Variants in ELMOD3 observed in about 807,000 individuals in gnomAD.
ELMOD3 encodes the protein ELMO domain containing 3.
Under a neutral mutation model 47.4 loss-of-function variants are expected in ELMOD3, and 36 were observed. The ratio of observed to expected loss-of-function variants is 0.76; its 90% CI spans 0.58 to 1.00. ELMOD3 has a LOEUF of 1.00. Ranked by LOEUF, ELMOD3 falls within the 50% of genes least tolerant of loss-of-function variation. ELMOD3 has a pLI of 0.00. For synonymous variants in ELMOD3, 149 were observed against 183.5 expected (o/e 0.81, Z 1.52); for missense variants, 404 against 463.8 (o/e 0.87, Z 1.18).
chr2:85,358,020 C>T (rs943052541), intron 4 of ELMOD3, among the ~76,000 whole-genome samples: 3 of 152,164 alleles, frequency 2.0e-5, no homozygotes, highest in Admixed American at 6.5e-5. Context: ...TGGCTCACGC[C>T]TGTAATCCCA....
chr2:85,389,928 T>C lies in ELMOD3; in HGVS notation c.815+101T>C. ...CAGCTCTACTCCACCTGCTGGCTCCTGGAGGGCCTGGACAAAGTCCCCATG... is the reference window on the plus strand; with the variant it reads ...CAGCTCTACTCCACCTGCTGGCTCCCGGAGGGCCTGGACAAAGTCCCCATG... On this transcript the variant is annotated intron_variant, in intron 12 of 13. Transcript: ENST00000409013. The C allele has an allele frequency of 4.2e-6, 5 of 1,198,392 alleles. 1 individual carries two copies. In the South Asian group the frequency reaches 4.9e-5, roughly 12 times the overall value. 74.2% of individuals were successfully genotyped at this position (1,198,392 alleles called of 1,614,324 possible).
At chr2:85,363,209 A>T in intron 6 of ELMOD3, 43 bp downstream of exon 6, 1 of 1,118,378 alleles carries the variant, frequency 8.9e-7, no homozygotes, top group Non-Finnish European at 1.4e-6. Context: ...GTGGGACCCA[A>T]GTCAGACCTT....
At chr2:85,390,416 C>A (rs1686261613) in intron 13 of ELMOD3, 151 bp downstream of exon 13, 2 of 1,614,074 alleles carry the variant, frequency 1.2e-6, no homozygotes, top group Admixed American at 3.3e-5. Flanking sequence ...ATCACCCACC[C>A]CCTGGAGTCT....
intron 11 of ELMOD3, among the ~76,000 whole-genome samples, chr2:85,388,961 A>G (rs1265422225): frequency 3.9e-5 from 6 of 152,208 alleles, no homozygotes; most frequent in Admixed American, 1.3e-4. Flanking sequence ...GTCCTTGTGT[A>G]TGTGCAACAG....
chr2:85,389,377 C>G (rs752607944), intron 11 of ELMOD3, among the ~76,000 whole-genome samples: 5 of 152,214 alleles, frequency 3.3e-5, no homozygotes, highest in Non-Finnish European at 7.3e-5. Flanking sequence ...CCTCTCACTT[C>G]TGTCTTCATC....
chr2:85,360,918 G>T, intron 4 of ELMOD3: 1 of 169,390 alleles, frequency 5.9e-6, no homozygotes, highest in East Asian at 1.7e-4. Flanking sequence ...TTAGATACAT[G>T]ATACTTCTTG....
At chr2:85,357,600 CA>C (rs1162717094) in intron 4 of ELMOD3, 5 of 175,868 alleles carry the variant, frequency 2.8e-5, no homozygotes, top group Non-Finnish European at 6.0e-5. Flanking sequence ...GGACTCAGTT[CA>C]ATGTGATATG....
At chr2:85,360,407 G>A (rs1453797052) in intron 4 of ELMOD3, among the ~76,000 whole-genome samples, 1 of 149,564 alleles carries the variant, frequency 6.7e-6, no homozygotes, top group African/African-American at 2.5e-5. Flanking sequence ...AGGCTGGAGT[G>A]CGGTGGCGTA....
chr2:85,358,761 A>G (rs1683735935), intron 4 of ELMOD3, among the ~76,000 whole-genome samples: 1 of 151,936 alleles, frequency 6.6e-6, no homozygotes, highest in Non-Finnish European at 1.5e-5. Flanking sequence ...ATACATTCAC[A>G]TGGTTCAAAA....
intron 4 of ELMOD3, among the ~76,000 whole-genome samples, chr2:85,358,832 CA>C (rs1256954336): frequency 1.3e-5 from 2 of 152,210 alleles, no homozygotes; most frequent in Non-Finnish European, 2.9e-5. Context: ...CTTGTCCCCC[CA>C]GCCACTCAGT....
At chr2:85,374,839 C>T (rs187669308) in intron 10 of ELMOD3, among the ~76,000 whole-genome samples, 94 of 151,694 alleles carry the variant, frequency 6.2e-4, no homozygotes, top group African/African-American at 1.9e-3. Context: ...TGGCCGGGCG[C>T]GGTGGCTCAT....
intron 11 of ELMOD3, among the ~76,000 whole-genome samples, chr2:85,386,861 G>A (rs1237510965): frequency 6.6e-6 from 1 of 152,134 alleles, no homozygotes; most frequent in Non-Finnish European, 1.5e-5. Context: ...AAATTAGCCA[G>A]GCATGGTGGT....
rs777212355 is a variant in ELMOD3, at chr2:85,362,171, T to C, written c.55-15T>C. 1.4e-5 allele frequency: 21 copies of C among 1,489,776 alleles called. No individual in the cohort carries two copies. In the Admixed American group the frequency reaches 3.5e-4, roughly 25 times the overall value. The allele number at this position is 1,489,776 out of a possible 1,614,324, so 92.3% of individuals were successfully genotyped here. A position where few individuals can be genotyped will look rare whatever the true frequency, so the allele number is the denominator to read the frequency against. On this transcript the variant is annotated splice_polypyrimidine_tract_variant and intron_variant, in intron 4 of 13. Coordinates refer to ENST00000409013, the MANE Select transcript of ELMOD3 (RefSeq NM_001135022.2). ...TAATATGTGCCTAGGAGATTGACCC[T>C]TGTCTGTTTTACAGGGTGAAAGATT...
In ELMOD3 at chr2:85,376,234, G is replaced by C. The variant is rs1412765461; in HGVS notation, c.608-1110G>C. On this transcript the variant is annotated intron_variant, in intron 10 of 13. Coordinates refer to ENST00000409013, the MANE Select transcript of ELMOD3 (RefSeq NM_001135022.2). This position sits in a 1 kb window ranked among gnomAD's most constrained non-coding sequence, Gnocchi z 4.2. ...TCTCATTCGAATTGAGAATTACCTA[G>C]TTCTTGGTGTAACAACTGATTTTTT... Among the ~76,000 whole-genome samples the C allele has an allele frequency of 6.6e-6, 1 of 152,168 alleles. No individual in the cohort carries two copies. Among genetic ancestry groups the C allele is most frequent in the East Asian group, 1.9e-4 (1 of 5,196 alleles).
At chr2:85,358,868 G>T (rs1464175490) in intron 4 of ELMOD3, among the ~76,000 whole-genome samples, 3 of 152,190 alleles carry the variant, frequency 2.0e-5, no homozygotes, top group Non-Finnish European at 4.4e-5. Flanking sequence ...CAAAGCTACT[G>T]CTTCCTTGGG....
chr2:85,357,240 A>G lies in ELMOD3; in HGVS notation c.42A>G (p.Leu14=). The G allele has an allele frequency of 6.2e-7, 1 of 1,605,080 alleles. No homozygotes were observed. Among genetic ancestry groups the G allele is most frequent in the African/African-American group, 1.3e-5 (1 of 74,666 alleles). ...GCTCTTTCCATAGTAAAGAAGAATT[A>G]AGAGATGGACAGGTAAGCATGCACT... The part of the protein sequence containing the change: ...KSCSFHSKEE[L]RDGQGERLSA... Residue 14 remains leucine (L), a synonymous_variant, in exon 4 of 14, where the codon TTA becomes TTG. Coordinates refer to ENST00000409013, the MANE Select transcript of ELMOD3 (RefSeq NM_001135022.2).
rs770248019 is a variant in ELMOD3 at position 85,390,190 on chromosome 2, G to A, written c.868G>A (p.Ala290Thr). ...VIPVVNSFYAATFLHLAHVWR... is the reference protein window; with the variant it reads ...VIPVVNSFYATTFLHLAHVWR... ...CCCCGTGGTGAACAGCTTCTATGCC[G>A]CCACATTCCTCCACCTCGCACATGT... Residue 290 changes from alanine (A) to threonine (T), a missense_variant, in exon 13 of 14, where the codon GCC becomes ACC. By Grantham distance (58) the Ala-to-Thr change is moderately conservative (BLOSUM62 0). Coordinates refer to ENST00000409013, the MANE Select transcript of ELMOD3 (RefSeq NM_001135022.2). The A allele has an allele frequency of 3.2e-5, 51 of 1,614,074 alleles. No individual in the cohort carries two copies. Among genetic ancestry groups the A allele is most frequent in the Middle Eastern group, 3.3e-4 (2 of 6,084 alleles).
intron 8 of ELMOD3, among the ~76,000 whole-genome samples, chr2:85,370,488 T>C (rs1684716323): frequency 6.6e-6 from 1 of 151,718 alleles, no homozygotes; most frequent in Non-Finnish European, 1.5e-5. Flanking sequence ...AGAAATGTGA[T>C]TTCAGGTCTT....
intron 8 of ELMOD3, 120 bp from the exon 9 acceptor site, chr2:85,370,966 C>A: frequency 8.1e-7 from 1 of 1,230,086 alleles, no homozygotes; most frequent in Non-Finnish European, 1.2e-6. Context: ...GGCCCAAAGG[C>A]CAGCCAGATA....
Sources: allele counts gnomAD v4.1 joint callset (sites outside exome capture counted in the v4.1 genomes callset), GRCh38; gene constraint gnomAD v4.1.1; non-coding constraint Gnocchi (gnomAD v3.1); transcripts MANE v1.5; gene names NCBI Gene and HGNC (gene_info 2026-07-23, HGNC 2026-07-21).